RIMS1: variants seen among roughly 807,000 people sequenced by gnomAD.
RIMS1 encodes the protein regulating synaptic membrane exocytosis 1, also known as regulating synaptic membrane exocytosis protein 1.
RIMS1 carries 83 observed loss-of-function variants against 214.1 expected under a neutral mutation model. That is an observed-to-expected ratio of 0.39 (90% CI 0.32 to 0.47). The LOEUF (loss-of-function observed/expected upper bound fraction) is 0.47. RIMS1 is among the 20% of genes least tolerant of loss of function. The probability of loss-of-function intolerance (pLI) is 0.99; values close to 1 mark genes in which losing one functional copy is unlikely to be tolerated. For synonymous variants in RIMS1, 793 were observed against 786.8 expected, an observed-to-expected ratio of 1.01 and a Z score of -0.13; for missense variants, 2,050 against 2,161.8, an observed-to-expected ratio of 0.95 and a Z score of 1.03.
intron 2 of RIMS1, among the ~76,000 whole-genome samples, chr6:71,989,222 A>G (rs533899889): frequency 4.7e-4 from 71 of 152,296 alleles, no homozygotes; most frequent in African/African-American, 1.6e-3. Context: ...AATTAAACTG[A>G]CTCAAATTAA....
At chr6:72,040,657 A>G (rs1283844107) in intron 2 of RIMS1, among the ~76,000 whole-genome samples, 2 of 151,942 alleles carry the variant, frequency 1.3e-5, no homozygotes, top group African/African-American at 2.4e-5. Flanking sequence ...AAGCTACAGA[A>G]TCTACAATTA....
Position 72,182,788 on chromosome 6 carries a change from G to C in RIMS1, c.1317G>C (p.Pro439=). 2 of 1,546,272 alleles carry C rather than the reference G, an allele frequency of 1.3e-6. No homozygotes were observed. Among genetic ancestry groups the C allele is most frequent in the Non-Finnish European group, 1.7e-6 (2 of 1,149,960 alleles). The change falls in exon 6 of 34, where the codon CCG becomes CCC. Residue 439 remains proline, a synonymous_variant. Transcript: ENST00000521978. ...SAERTAETRA[P]GAKQLTNHSP... is the part of the protein sequence containing the mutation. ...AGAGAACTGCGGAGACCAGGGCGCC[G>C]GGCGCCAAGCAGCTAACGAACCACA...
rs1340466075 is a variant in RIMS1 at position 72,182,327 on chromosome 6, C to T, written c.856C>T (p.Leu286=). The T allele has an allele frequency of 1.2e-6, 2 of 1,611,846 alleles. No individual in the cohort carries two copies. Among genetic ancestry groups the T allele is most frequent in the Admixed American group, 1.7e-5 (1 of 59,768 alleles). ...TTCCGAGCAGAATGGCAAAGGAGCC[C>T]TGAAGAGCGAGCGGAAACGCGTGCC... ...GLSEQNGKGA[L]KSERKRVPKT... is the part of the protein sequence containing the mutation. Residue 286 remains leucine, a synonymous_variant, in exon 6 of 34, where the codon CTG becomes TTG. Transcript: ENST00000521978.
intron 28 of RIMS1, among the ~76,000 whole-genome samples, chr6:72,318,456 A>T (rs557618353): frequency 6.6e-6 from 1 of 152,188 alleles, no homozygotes; most frequent in African/African-American, 2.4e-5. Context: ...AAAAAAAATG[A>T]CTGTCATATG....
At chr6:72,395,605 A>G (rs1325588929) in intron 31 of RIMS1, among the ~76,000 whole-genome samples, 5 of 152,056 alleles carry the variant, frequency 3.3e-5, no homozygotes, top group African/African-American at 2.4e-5. Context: ...TTAATTGGAC[A>G]CATAAAATAA....
At position 72,302,174 on chromosome 6, in the gene RIMS1, A is replaced by T. The variant is rs935134516; in HGVS notation, c.3851-5084A>T. Among the ~76,000 whole-genome samples the T allele has an allele frequency of 3.2e-4, 49 of 151,500 alleles. 1 individual carries two copies. Among genetic ancestry groups the T allele is most frequent in the African/African-American group, 1.2e-3 (49 of 41,360 alleles). ...TTGAGGAACTGATGAATGGTGATGG[A>T]TCTAGGACTGTAATCTATGCCTAGT... On this transcript the variant is annotated intron_variant, in intron 26 of 33. Coordinates refer to ENST00000521978, the MANE Select transcript of RIMS1 (RefSeq NM_014989.7).
At chr6:72,362,535 G>A (rs1321132241) in intron 29 of RIMS1, among the ~76,000 whole-genome samples, 1 of 151,958 alleles carries the variant, frequency 6.6e-6, no homozygotes, top group Non-Finnish European at 1.5e-5. Flanking sequence ...GAGGGGGGAA[G>A]ACAACAAAAT....
chr6:72,225,854 T>G (rs1325419370), intron 6 of RIMS1, among the ~76,000 whole-genome samples: 1 of 152,160 alleles, frequency 6.6e-6, no homozygotes, highest in Non-Finnish European at 1.5e-5. Flanking sequence ...GTCAATTTTG[T>G]GATTTGTTAT....
At chr6:71,890,586 A>C (rs959901160) in intron 1 of RIMS1, among the ~76,000 whole-genome samples, 1 of 143,004 alleles carries the variant, frequency 7.0e-6, no homozygotes, top group Non-Finnish European at 1.5e-5. Context: ...AAAAAAAAAA[A>C]AAAAAAAAAA....
chr6:72,239,399 C>G (rs2065708747), intron 9 of RIMS1, among the ~76,000 whole-genome samples: 1 of 152,080 alleles, frequency 6.6e-6, no homozygotes, highest in South Asian at 2.1e-4. Context: ...AACTATAAAA[C>G]AGACAAGTGT....
chr6:71,992,307 C>G (rs1454371178), intron 2 of RIMS1, among the ~76,000 whole-genome samples: 1 of 152,062 alleles, frequency 6.6e-6, no homozygotes, highest in African/African-American at 2.4e-5. Flanking sequence ...CAATTTGCAC[C>G]AGGAATGTTA....
chr6:72,028,442 T>G (rs1342630837), intron 2 of RIMS1, among the ~76,000 whole-genome samples: 1 of 152,196 alleles, frequency 6.6e-6, no homozygotes, highest in Admixed American at 6.6e-5. Context: ...TTTTGCAGTG[T>G]GAAATTTCAT....
rs1056334135 is a variant in RIMS1 at position 71,963,948 on chromosome 6, G to T, written c.165-5035G>T. ...CTATTACATGTAAGACACTGTTCTA[G>T]GCTCTTAGCATATGTCAGTGATCCA... On this transcript the variant is annotated intron_variant, in intron 1 of 33. Transcript: ENST00000521978. Among the ~76,000 whole-genome samples, 74 of 152,036 alleles carry T rather than the reference G, an allele frequency of 4.9e-4. 2 individuals are homozygous for T. Among genetic ancestry groups the T allele is most frequent in the Admixed American group, 4.8e-3 (74 of 15,264 alleles).
chr6:72,006,065 T>C (rs749526423), intron 2 of RIMS1, among the ~76,000 whole-genome samples: 2 of 152,284 alleles, frequency 1.3e-5, no homozygotes, highest in African/African-American at 4.8e-5. Flanking sequence ...CTTCCTGGTT[T>C]ACCGATGGCC....
chr6:72,161,503 C>A (rs1342429711), intron 4 of RIMS1, among the ~76,000 whole-genome samples: 1 of 140,174 alleles, frequency 7.1e-6, no homozygotes, highest in Non-Finnish European at 1.6e-5. Flanking sequence ...TAGATCTTTC[C>A]TGCTTTCTCT....
In RIMS1 at chr6:72,077,048, G is replaced by A. The variant is rs115364399; in HGVS notation, c.246-19901G>A. ...TCCAATCCCCACTCCACTCTGCCTC[G>A]TCTGCCCTGACCCAAGCTCTTTCCT... On this transcript the variant is annotated intron_variant, in intron 2 of 33. Transcript: ENST00000521978. 2.8e-3 allele frequency among the ~76,000 whole-genome samples: 419 copies of A among 152,120 alleles called. 4 individuals carry two copies. The highest frequency in any genetic ancestry group is 0.017 in the South Asian group (82 of 4,820).
intron 4 of RIMS1, among the ~76,000 whole-genome samples, chr6:72,123,335 G>C (rs554785887): frequency 6.6e-5 from 10 of 151,986 alleles, no homozygotes; most frequent in African/African-American, 2.4e-4. Flanking sequence ...TGGCCTGAGA[G>C]ACAGTTTGTT....
intron 29 of RIMS1, among the ~76,000 whole-genome samples, chr6:72,339,011 G>A (rs892579196): frequency 1.3e-5 from 2 of 151,852 alleles, no homozygotes; most frequent in Admixed American, 1.3e-4. Flanking sequence ...ATGAAGGGAT[G>A]AATGGCATAC....
chr6:72,005,639 A>G lies in RIMS1; in HGVS notation c.245+36576A>G, dbSNP rs373958965. 3.9e-5 allele frequency among the ~76,000 whole-genome samples: 6 copies of G among 152,350 alleles called. No homozygotes were observed. In the East Asian group the frequency reaches 5.8e-4, roughly 15 times the overall value. Reference sequence around the variant, plus strand: ...CCAGGAAAGACACTGACTTGCCTCTATTACAGTACTTCTGGAATTCAAAGG... The same window carrying G: ...CCAGGAAAGACACTGACTTGCCTCTGTTACAGTACTTCTGGAATTCAAAGG... On this transcript the variant is annotated intron_variant, in intron 2 of 33. Transcript: ENST00000521978.
Sources: gnomAD v4.1 joint callset for allele counts (sites outside exome capture counted in the v4.1 genomes callset) on GRCh38, gnomAD v4.1.1 for gene constraint, MANE v1.5 for transcripts, NCBI Gene and HGNC (gene_info 2026-07-23, HGNC 2026-07-21) for gene names.